FAM219A: variants seen among roughly 807,000 people sequenced by gnomAD.
The protein encoded by FAM219A is family with sequence similarity 219 member A.
In FAM219A, 7 loss-of-function variants were observed where a neutral mutation model predicts 23.4. The observed-to-expected ratio is 0.30, with a 90% CI of 0.17 to 0.56. The LOEUF (loss-of-function observed/expected upper bound fraction) is 0.56, where lower values mean the gene tolerates loss of function less well. Ranked by LOEUF, FAM219A falls within the 20% of genes least tolerant of loss-of-function variation. The pLI, the probability that FAM219A is intolerant of heterozygous loss-of-function variation, is 0.92. For synonymous variants in FAM219A, 93 were observed against 99.0 expected, an observed-to-expected ratio of 0.94 and a Z score of 0.36; for missense variants, 166 against 246.9, an observed-to-expected ratio of 0.67 and a Z score of 2.20.
chr9:34,426,544 C>G (rs1008696678), intron 1 of FAM219A, among the ~76,000 whole-genome samples: 4 of 152,178 alleles, frequency 2.6e-5, no homozygotes, highest in Admixed American at 6.5e-5. Flanking sequence ...CTCACAGTGC[C>G]TGGAGCATGC....
At chr9:34,446,312 G>C (rs1185417174) in intron 1 of FAM219A, among the ~76,000 whole-genome samples, 3 of 152,144 alleles carry the variant, frequency 2.0e-5, no homozygotes, top group African/African-American at 7.2e-5. Flanking sequence ...AGGATAGAAA[G>C]GGATGCATGA....
chr9:34,411,012 G>C (rs1821801254), intron 1 of FAM219A, among the ~76,000 whole-genome samples: 1 of 152,160 alleles, frequency 6.6e-6, no homozygotes, highest in South Asian at 2.1e-4. Flanking sequence ...CATTAGTATA[G>C]GTTCAGTGAG....
chr9:34,444,612 T>C (rs1031490110), intron 1 of FAM219A, among the ~76,000 whole-genome samples: 16 of 152,144 alleles, frequency 1.1e-4, no homozygotes, highest in African/African-American at 3.9e-4. Flanking sequence ...CTTCTGAAAA[T>C]GTACCTAATG....
intron 1 of FAM219A, among the ~76,000 whole-genome samples, chr9:34,425,897 T>C (rs1441140592): frequency 1.3e-5 from 2 of 152,242 alleles, no homozygotes; most frequent in Non-Finnish European, 2.9e-5. Context: ...TGTTTTATGC[T>C]ATTTGGTGCA....
chr9:34,434,321 G>C (rs2131987327), intron 1 of FAM219A, among the ~76,000 whole-genome samples: 1 of 151,108 alleles, frequency 6.6e-6, no homozygotes, highest in African/African-American at 2.4e-5. Context: ...CATGCTTCTT[G>C]ACATAAGAGT....
intron 1 of FAM219A, among the ~76,000 whole-genome samples, chr9:34,407,905 C>T (rs1821695754): frequency 6.6e-6 from 1 of 152,156 alleles, no homozygotes; most frequent in Non-Finnish European, 1.5e-5. Flanking sequence ...GCTTCTGTTC[C>T]CTTTAAAATG....
At chr9:34,407,709 G>A (rs1487200884) in intron 1 of FAM219A, among the ~76,000 whole-genome samples, 1 of 152,132 alleles carries the variant, frequency 6.6e-6, no homozygotes, top group African/African-American at 2.4e-5. Flanking sequence ...TTTTAACCAG[G>A]GCCTGTAGAT....
Position 34,451,717 on chromosome 9 carries a change from C to G in FAM219A, c.60+6487G>C, listed in dbSNP as rs560479843. The stretch of plus-strand genomic sequence containing the variant: ...GCCTGAACCCCAGCTACCACAGAAG[C>G]ACCTACCCACAGAGGCCACACTGGG... On this transcript the variant is annotated intron_variant, in intron 1 of 5. Transcript: ENST00000651358. 5.7e-4 allele frequency among the ~76,000 whole-genome samples: 87 copies of G among 152,180 alleles called. 1 individual carries two copies. The highest frequency in any genetic ancestry group is 5.4e-4 in the Non-Finnish European group (37 of 68,024).
chr9:34,447,341 A>G (rs1460066731), intron 1 of FAM219A, among the ~76,000 whole-genome samples: 1 of 152,228 alleles, frequency 6.6e-6, no homozygotes, highest in African/African-American at 2.4e-5. Flanking sequence ...AGCTCAACTG[A>G]CAATAATAGA....
At chr9:34,436,903 A>G (rs2131991603) in intron 1 of FAM219A, among the ~76,000 whole-genome samples, 1 of 152,354 alleles carries the variant, frequency 6.6e-6, no homozygotes, top group African/African-American at 2.4e-5. Flanking sequence ...ACTTTGCAGC[A>G]TGCCTGGCAT....
In FAM219A at chr9:34,458,194, G is replaced by A. The variant is rs1564023006; in HGVS notation, c.60+10C>T. 3 of 1,579,184 alleles carry A rather than the reference G, an allele frequency of 1.9e-6. No homozygotes were observed. The highest frequency in any genetic ancestry group is 2.7e-5 in the African/African-American group (2 of 73,368). ...TCCGGCCTTGGCCTGCCCGCCGCCC[G>A]CCCCCTCACCAGCGGCTGCATCTCC... On this transcript the variant is annotated intron_variant, in intron 1 of 5. Transcript: ENST00000651358. The surrounding 1 kb of genome is among the most constrained non-coding windows in gnomAD (Gnocchi z 6.6).
chr9:34,421,009 T>TGTGTGA (rs1554677406), intron 1 of FAM219A, among the ~76,000 whole-genome samples: 6 of 86,358 alleles, frequency 6.9e-5, no homozygotes, highest in Non-Finnish European at 1.1e-4. Context: ...TGTGTGTGTG[T>TGTGTGA]GAGAGAGAGA....
intron 1 of FAM219A, among the ~76,000 whole-genome samples, chr9:34,448,300 C>T (rs1319659125): frequency 2.0e-5 from 3 of 152,192 alleles, no homozygotes; most frequent in Non-Finnish European, 4.4e-5. Context: ...TATGATGATT[C>T]AGGGCCGCTG....
chr9:34,406,077 C>G, intron 1 of FAM219A, 113 bp from the exon 2 acceptor site: 3 of 1,115,444 alleles, frequency 2.7e-6, no homozygotes, highest in Non-Finnish European at 3.8e-6. Context: ...TGAGCATTCA[C>G]CCCTCAGAGC....
At chr9:34,430,743 G>A (rs1252061931) in intron 1 of FAM219A, among the ~76,000 whole-genome samples, 1 of 151,962 alleles carries the variant, frequency 6.6e-6, no homozygotes, top group South Asian at 2.1e-4. Flanking sequence ...CCGGGAGGCT[G>A]AGGTGGGAGG....
chr9:34,430,636 CAA>C (rs757627612), intron 1 of FAM219A, among the ~76,000 whole-genome samples: 85 of 56,272 alleles, frequency 1.5e-3, no homozygotes, highest in African/African-American at 5.3e-3. Flanking sequence ...GACTCCGTCT[CAA>C]AAAAAAAAAA....
Position 34,417,917 on chromosome 9 carries a change from C to T in FAM219A, c.61-11953G>A, listed in dbSNP as rs1002554218. Reference sequence around the variant, plus strand: ...GGAAGGGCTTTAAGTGGAGCACTGGCACTGCCTGGCAACTGGGCACTGTGC... The same window carrying T: ...GGAAGGGCTTTAAGTGGAGCACTGGTACTGCCTGGCAACTGGGCACTGTGC... On this transcript the variant is annotated intron_variant, in intron 1 of 5. Transcript: ENST00000651358. This position sits in a 1 kb window ranked among gnomAD's most constrained non-coding sequence, Gnocchi z 4.1. Among the ~76,000 whole-genome samples the T allele has an allele frequency of 6.6e-6, 1 of 152,202 alleles. No homozygotes were observed. The highest frequency in any genetic ancestry group is 2.4e-5 in the African/African-American group (1 of 41,458).
At chr9:34,425,636 GTTC>G (rs1822433486) in intron 1 of FAM219A, among the ~76,000 whole-genome samples, 1 of 152,178 alleles carries the variant, frequency 6.6e-6, no homozygotes, top group Non-Finnish European at 1.5e-5. Context: ...GGAGATCCTT[GTTC>G]TTCTGTCTCC....
chr9:34,438,225 G>A (rs1294966022), intron 1 of FAM219A, among the ~76,000 whole-genome samples: 1 of 152,220 alleles, frequency 6.6e-6, no homozygotes, highest in Non-Finnish European at 1.5e-5. Context: ...ATGGGCTCCT[G>A]TGCGGCCATG....
Sources: allele counts gnomAD v4.1 joint callset (sites outside exome capture counted in the v4.1 genomes callset), GRCh38; gene constraint gnomAD v4.1.1; non-coding constraint Gnocchi (gnomAD v3.1); transcripts MANE v1.5; gene names NCBI Gene and HGNC (gene_info 2026-07-23, HGNC 2026-07-21).